The following SCNN1G variants were observed in gnomAD, a reference collection of about 807,000 sequenced individuals.
SCNN1G encodes the protein sodium channel epithelial 1 subunit gamma, also known as epithelial sodium channel subunit gamma.
Under a neutral mutation model 64.6 loss-of-function variants are expected in SCNN1G, and 27 were observed. That is an observed-to-expected ratio of 0.42 (90% confidence interval 0.31 to 0.58). The LOEUF (loss-of-function observed/expected upper bound fraction) is 0.58, where lower values mean the gene tolerates loss of function less well. Ranked by LOEUF, SCNN1G falls within the 20% of genes least tolerant of loss-of-function variation. SCNN1G has a pLI of 0.18. For missense variants in SCNN1G, 743 were observed against 823.4 expected (o/e 0.90, Z 1.19); for synonymous variants, 330 against 314.2 (o/e 1.05, Z -0.53).
intron 11 of SCNN1G, among the ~76,000 whole-genome samples, chr16:23,214,350 A>G (rs1596778911): frequency 6.6e-6 from 1 of 152,240 alleles, no homozygotes; most frequent in Admixed American, 6.5e-5. Flanking sequence ...GCCTATTATC[A>G]TATTACCTCA....
chr16:23,213,079 C>A (rs1960106415), intron 10 of SCNN1G, 23 bp from the exon 11 acceptor site: 1 of 1,611,486 alleles, frequency 6.2e-7, no homozygotes, highest in African/African-American at 1.3e-5. Context: ...CCCTCAGGCC[C>A]ACGCTTTCTC....
At chr16:23,197,471 C>A (rs200086174) in intron 6 of SCNN1G, 44 bp downstream of exon 6, 5 of 1,559,026 alleles carry the variant, frequency 3.2e-6, no homozygotes, top group East Asian at 2.3e-5. Context: ...GAGAACAGAT[C>A]TTTTTTTTTC....
intron 4 of SCNN1G, among the ~76,000 whole-genome samples, chr16:23,193,217 T>TAAGG (rs1366590241): frequency 6.6e-6 from 1 of 152,002 alleles, no homozygotes; most frequent in East Asian, 1.9e-4. Flanking sequence ...ACCATCGTTC[T>TAAGG]AAGGAAGGAA....
At chr16:23,194,309 C>T (rs1567264245) in intron 5 of SCNN1G, 35 bp downstream of exon 5, 1 of 1,399,560 alleles carries the variant, frequency 7.1e-7, no homozygotes, top group Non-Finnish European at 1.0e-6. Flanking sequence ...TCTTGAGGCC[C>T]TCCAATAGTG....
At chr16:23,206,082 G>C (rs777091538) in intron 6 of SCNN1G, among the ~76,000 whole-genome samples, 1 of 152,138 alleles carries the variant, frequency 6.6e-6, no homozygotes, top group Non-Finnish European at 1.5e-5. Flanking sequence ...CCTGCTTACC[G>C]CCCACCCCGC....
intron 1 of SCNN1G, among the ~76,000 whole-genome samples, chr16:23,185,747 T>C: frequency 6.6e-6 from 1 of 152,226 alleles, no homozygotes; most frequent in East Asian, 1.9e-4. Context: ...ATCTGTCAGT[T>C]ACAATCTGCC....
intron 3 of SCNN1G, among the ~76,000 whole-genome samples, chr16:23,191,639 T>A (rs1289176140): frequency 6.6e-6 from 1 of 152,184 alleles, no homozygotes. Flanking sequence ...TTGCCCGGGC[T>A]GGTCTCGAAT....
intron 4 of SCNN1G, 31 bp downstream of exon 4, chr16:23,192,573 T>C: frequency 6.3e-7 from 1 of 1,580,656 alleles, no homozygotes; most frequent in South Asian, 1.1e-5. Flanking sequence ...TCTCAGCCTC[T>C]AAGGACTGGC....
intron 10 of SCNN1G, 51 bp downstream of exon 10, chr16:23,212,945 C>T: frequency 3.2e-6 from 5 of 1,585,930 alleles, no homozygotes; most frequent in Non-Finnish European, 4.3e-6. Flanking sequence ...CCTGGAGCCC[C>T]ACTGACATTT....
intron 1 of SCNN1G, among the ~76,000 whole-genome samples, chr16:23,185,737 A>G (rs777632125): frequency 6.6e-6 from 1 of 152,364 alleles, no homozygotes; most frequent in South Asian, 2.1e-4. Context: ...GGCAGATTTC[A>G]TCTGTCAGTT....
At chr16:23,214,619 C>T in intron 11 of SCNN1G, 93 bp from the exon 12 acceptor site, 1 of 1,006,738 alleles carries the variant, frequency 9.9e-7, no homozygotes, top group Non-Finnish European at 1.6e-6. Context: ...CTTGGCCATG[C>T]TGCCAGCTTG....
chr16:23,208,586 C>T (rs1393468980), intron 6 of SCNN1G, among the ~76,000 whole-genome samples: 1 of 150,860 alleles, frequency 6.6e-6, no homozygotes, highest in Non-Finnish European at 1.5e-5. Flanking sequence ...CCTTTCTCTC[C>T]CTTCCCTTCC....
chr16:23,213,136 G>T lies in SCNN1G; in HGVS notation c.1466G>T (p.Gly489Val). The change falls in exon 11 of 13, where the codon GGC (glycine) becomes GTC (valine). Residue 489 changes from glycine to valine, a missense_variant. By Grantham distance (109) the Gly-to-Val change is moderately radical. Transcript: ENST00000300061. The stretch of plus-strand genomic sequence containing the variant: ...CTGCCTGTTCTCACTTGGGACCAAG[G>T]CCGGCAAGTAAACAAAAAGCTCAAC... The part of the protein sequence containing the change: ...WLLPVLTWDQ[G>V]RQVNKKLNKT... 1 of 1,613,416 alleles carries T rather than the reference G, an allele frequency of 6.2e-7. No individual in the cohort carries two copies. The highest frequency in any genetic ancestry group is 8.5e-7 in the Non-Finnish European group (1 of 1,179,848).
At chr16:23,214,383 C>A (rs572072619) in intron 11 of SCNN1G, among the ~76,000 whole-genome samples, 1 of 152,324 alleles carries the variant, frequency 6.6e-6, no homozygotes, top group South Asian at 2.1e-4. Context: ...ATGTACATTA[C>A]CTGTACATAC....
At chr16:23,213,356 A>G (rs1960112983) in intron 11 of SCNN1G, among the ~76,000 whole-genome samples, 193 bp downstream of exon 11, 1 of 150,664 alleles carries the variant, frequency 6.6e-6, no homozygotes, top group Non-Finnish European at 1.5e-5. Flanking sequence ...GGGTTTCAGC[A>G]ATCCTCCTGC....
chr16:23,192,208 G>C lies in SCNN1G; in HGVS notation c.619-144G>C, dbSNP rs1434289256. On this transcript the variant is annotated intron_variant, in intron 3 of 12. Coordinates refer to ENST00000300061, the MANE Select transcript of SCNN1G (RefSeq NM_001039.4). Reference sequence around the variant, plus strand: ...ATGATCACTCCCAACCCCTAGAAGTGAGAGGAAACCCATCCTTGCCCCAGA... The same window carrying C: ...ATGATCACTCCCAACCCCTAGAAGTCAGAGGAAACCCATCCTTGCCCCAGA... The C allele has an allele frequency of 5.5e-6, 4 of 728,202 alleles. No individual in the cohort carries two copies. The East Asian group carries it at 1.0e-4, about 19-fold the overall frequency. The allele number at this position is 728,202 out of a possible 1,614,324, so 45.1% of individuals were successfully genotyped here.
intron 6 of SCNN1G, among the ~76,000 whole-genome samples, chr16:23,204,334 T>TATAGAG (rs1567267153): frequency 1.3e-4 from 2 of 15,176 alleles, no homozygotes; most frequent in Non-Finnish European, 2.2e-4. Flanking sequence ...TATATATATA[T>TATAGAG]AGAGAGAGAG....
intron 2 of SCNN1G, among the ~76,000 whole-genome samples, 168 bp from the exon 3 acceptor site, chr16:23,189,203 G>T (rs1959662899): frequency 6.6e-6 from 1 of 152,180 alleles, no homozygotes; most frequent in African/African-American, 2.4e-5. Flanking sequence ...CAGAGCCAGG[G>T]GTCACTTTGG....
intron 6 of SCNN1G, among the ~76,000 whole-genome samples, chr16:23,209,150 T>C (rs1960039348): frequency 6.6e-6 from 1 of 152,120 alleles, no homozygotes; most frequent in Admixed American, 6.6e-5. Context: ...TTTTTAAAGA[T>C]AGAGTCTCAC....
Sources: allele counts gnomAD v4.1 joint callset (sites outside exome capture counted in the v4.1 genomes callset), GRCh38; gene constraint gnomAD v4.1.1; transcripts MANE v1.5; gene names NCBI Gene and HGNC (gene_info 2026-07-23, HGNC 2026-07-21).